CCAR1: variants seen among roughly 807,000 people sequenced by gnomAD.
CCAR1 encodes cell division cycle and apoptosis regulator protein 1.
CCAR1 carries 78 observed loss-of-function variants against 163.8 expected under a neutral mutation model. That is an observed-to-expected ratio of 0.48 (90% CI 0.40 to 0.57). CCAR1 has a LOEUF of 0.57. CCAR1 is among the 20% of genes least tolerant of loss of function. CCAR1 has a pLI of 0.00. For synonymous variants in CCAR1, 443 were observed against 460.7 expected (o/e 0.96, Z 0.49); for missense variants, 1,019 against 1,365.2 (o/e 0.75, Z 4.00).
intron 19 of CCAR1, among the ~76,000 whole-genome samples, chr10:68,773,949 A>G (rs1442821910): frequency 3.3e-5 from 5 of 151,170 alleles, no homozygotes; most frequent in Non-Finnish European, 7.4e-5. Flanking sequence ...CTGGAGTGCA[A>G]TGGCATTATC....
At chr10:68,772,117 G>A (rs906223424) in intron 18 of CCAR1, among the ~76,000 whole-genome samples, 7 of 152,046 alleles carry the variant, frequency 4.6e-5, no homozygotes, top group South Asian at 2.1e-4. Flanking sequence ...GACCTCAAGC[G>A]CTCTGCCCAC....
chr10:68,755,274 GA>G, intron 12 of CCAR1, 95 bp from the exon 13 acceptor site: 1 of 1,094,458 alleles, frequency 9.1e-7, no homozygotes. Context: ...TAGTAAAAAT[GA>G]TATTGGAAAG....
At chr10:68,751,737 G>C (rs542474817) in intron 10 of CCAR1, among the ~76,000 whole-genome samples, 1 of 151,466 alleles carries the variant, frequency 6.6e-6, no homozygotes, top group African/African-American at 2.4e-5. Context: ...GGTAGTGTGC[G>C]CCTGTAATCC....
At chr10:68,722,976 A>G (rs1320384292) in intron 2 of CCAR1, among the ~76,000 whole-genome samples, 2 of 152,088 alleles carry the variant, frequency 1.3e-5, no homozygotes, top group Non-Finnish European at 2.9e-5. Flanking sequence ...CTGATATTGT[A>G]AAGTGTTTGC....
chr10:68,736,472 T>C (rs1205154736), intron 2 of CCAR1, among the ~76,000 whole-genome samples: 1 of 152,168 alleles, frequency 6.6e-6, no homozygotes, highest in African/African-American at 2.4e-5. Flanking sequence ...CTTTGACCAA[T>C]GTCTGCCCAA....
chr10:68,758,231 T>A (rs2056419974), intron 15 of CCAR1, among the ~76,000 whole-genome samples: 1 of 151,750 alleles, frequency 6.6e-6, no homozygotes, highest in Admixed American at 6.6e-5. Flanking sequence ...ATTTCTGTAT[T>A]TTTAGTAGAG....
intron 19 of CCAR1, among the ~76,000 whole-genome samples, chr10:68,774,736 CT>C (rs2056642936): frequency 6.6e-6 from 1 of 152,018 alleles, no homozygotes; most frequent in Admixed American, 6.6e-5. Context: ...ACCCATATAC[CT>C]TTCGCCTAAG....
At chr10:68,744,033 G>A (rs900454695) in intron 6 of CCAR1, among the ~76,000 whole-genome samples, 6 of 152,160 alleles carry the variant, frequency 3.9e-5, no homozygotes, top group African/African-American at 1.4e-4. Context: ...ACAGGCGTAA[G>A]CCACTATACC....
intron 17 of CCAR1, among the ~76,000 whole-genome samples, chr10:68,767,877 T>C (rs2056555105): frequency 6.6e-6 from 1 of 152,262 alleles, no homozygotes; most frequent in Non-Finnish European, 1.5e-5. Context: ...ACAACATGTT[T>C]GTTTTCAAAA....
intron 2 of CCAR1, among the ~76,000 whole-genome samples, chr10:68,734,262 AT>A (rs1048139641): frequency 2.6e-5 from 4 of 151,676 alleles, no homozygotes; most frequent in Non-Finnish European, 5.9e-5. Context: ...ATAAGGCAGC[AT>A]TTTTTTTCAG....
chr10:68,769,104 A>G (rs527784930), intron 17 of CCAR1, among the ~76,000 whole-genome samples: 1 of 152,236 alleles, frequency 6.6e-6, no homozygotes, highest in South Asian at 2.1e-4. Flanking sequence ...CGTCCCGAGT[A>G]GCCCTGGGAT....
In CCAR1 at chr10:68,759,098, A is replaced by G. The variant is rs1248400783; in HGVS notation, c.1920+1721A>G. ...TCACTTCAACCCAAGGATACTGAAT[A>G]GAAAAAACAACAACCAACAACCATA... On this transcript the variant is annotated intron_variant, in intron 15 of 24. Coordinates refer to ENST00000265872, the MANE Select transcript of CCAR1 (RefSeq NM_018237.4). 1.3e-4 allele frequency among the ~76,000 whole-genome samples: 19 copies of G among 149,430 alleles called. 1 individual carries two copies. Among genetic ancestry groups the G allele is most frequent in the Admixed American group, 1.2e-3 (18 of 15,210 alleles).
At chr10:68,752,179 A>T (rs940912862) in intron 10 of CCAR1, among the ~76,000 whole-genome samples, 1 of 151,950 alleles carries the variant, frequency 6.6e-6, no homozygotes, top group Non-Finnish European at 1.5e-5. Context: ...CGGCCTCCCA[A>T]AGTGCTGGGA....
intron 16 of CCAR1, among the ~76,000 whole-genome samples, chr10:68,764,161 T>A (rs2056508352): frequency 6.6e-6 from 1 of 152,192 alleles, no homozygotes; most frequent in Non-Finnish European, 1.5e-5. Flanking sequence ...CTTCCAGTGA[T>A]CTGACTCTAC....
intron 15 of CCAR1, among the ~76,000 whole-genome samples, chr10:68,760,576 G>A (rs1482613209): frequency 1.3e-5 from 2 of 152,074 alleles, no homozygotes; most frequent in Non-Finnish European, 2.9e-5. Context: ...TTTTTAAAAA[G>A]TCACACGAAA....
chr10:68,726,002 A>G (rs765001775), intron 2 of CCAR1, among the ~76,000 whole-genome samples: 2 of 150,912 alleles, frequency 1.3e-5, no homozygotes, highest in Admixed American at 1.3e-4. Context: ...AGTCCCAGCT[A>G]TTGGGGAGGC....
rs555884784 is a variant in CCAR1, at chr10:68,728,478, A to G, written c.73+5901A>G. Among the ~76,000 whole-genome samples, 18 of 152,230 alleles carry G rather than the reference A, an allele frequency of 1.2e-4. No homozygotes were observed. In the South Asian group the frequency reaches 2.7e-3, roughly 23 times the overall value. On this transcript the variant is annotated intron_variant, in intron 2 of 24. Coordinates refer to ENST00000265872, the MANE Select transcript of CCAR1 (RefSeq NM_018237.4). Reference sequence around the variant, plus strand: ...ACTCAGCCTATGAATGGTGTCTTCAACTGCCTAAGGGGATTGGCCAACAGT... The same window carrying G: ...ACTCAGCCTATGAATGGTGTCTTCAGCTGCCTAAGGGGATTGGCCAACAGT...
chr10:68,761,474 T>C (rs898195443), intron 16 of CCAR1, among the ~76,000 whole-genome samples: 2 of 150,350 alleles, frequency 1.3e-5, no homozygotes, highest in African/African-American at 2.5e-5. Context: ...GCCTGGCTAA[T>C]TTTTTGTATT....
At position 68,740,617 on chromosome 10, in the gene CCAR1, T is replaced by A. The variant is rs2056170193; in HGVS notation, c.292-12T>A. ...GACCCTTTTCTGTGTGTGTTTATTT[T>A]TCTGTTTTCAGTTACAGCAACCCCA... On this transcript the variant is annotated splice_polypyrimidine_tract_variant and intron_variant, in intron 4 of 24. Transcript: ENST00000265872. 1.9e-6 allele frequency: 3 copies of A among 1,609,940 alleles called. No individual in the cohort carries two copies. Among genetic ancestry groups the A allele is most frequent in the Non-Finnish European group, 2.5e-6 (3 of 1,177,472 alleles).
Sources: gnomAD v4.1 joint callset for allele counts (sites outside exome capture counted in the v4.1 genomes callset) on GRCh38, gnomAD v4.1.1 for gene constraint, MANE v1.5 for transcripts, NCBI Gene and HGNC (gene_info 2026-07-23, HGNC 2026-07-21) for gene names.